The following ANKRD62 variants were observed in gnomAD, a reference collection of about 807,000 sequenced individuals.
ANKRD62 encodes ankyrin repeat domain-containing protein 62.
A neutral mutation model predicts 98.8 loss-of-function variants in ANKRD62; 61 were observed. That is an observed-to-expected ratio of 0.62 (90% CI 0.50 to 0.76). ANKRD62 has a LOEUF of 0.76. ANKRD62 is among the 30% of genes least tolerant of loss of function. The pLI is 0.00. For missense variants in ANKRD62, 933 were observed against 1,082.9 expected, an observed-to-expected ratio of 0.86 and a Z score of 1.94; for synonymous variants, 341 against 367.9, an observed-to-expected ratio of 0.93 and a Z score of 0.84.
Position 12,108,416 on chromosome 18 carries a change from G to A in ANKRD62, c.1064+949G>A, listed in dbSNP as rs532833188. Among the ~76,000 whole-genome samples the A allele has an allele frequency of 3.3e-5, 5 of 152,254 alleles. No individual in the cohort carries two copies. In the South Asian group the frequency reaches 1.0e-3, roughly 32 times the overall value. Reference sequence around the variant, plus strand: ...CCACACTTTAAAAACATTAGCTCTTGTGAGAACTCACTCACTATCACAAGA... The same window carrying A: ...CCACACTTTAAAAACATTAGCTCTTATGAGAACTCACTCACTATCACAAGA... On this transcript the variant is annotated intron_variant, in intron 8 of 13. Transcript: ENST00000587848.
chr18:12,113,409 C>T (rs146325074), intron 8 of ANKRD62, among the ~76,000 whole-genome samples: 1,687 of 152,178 alleles, frequency 0.011, 31 homozygotes, highest in African/African-American at 0.039. Context: ...AGATGAATCA[C>T]GAGGTCAGGA....
chr18:12,104,197 G>A (rs1909366987), intron 7 of ANKRD62, among the ~76,000 whole-genome samples: 2 of 152,068 alleles, frequency 1.3e-5, no homozygotes. Context: ...TCCAGACACT[G>A]TCAAAGTAAA....
chr18:12,139,203 C>T, the ANKRD62 span, among the ~76,000 whole-genome samples: 9 of 152,074 alleles, frequency 5.9e-5, no homozygotes, highest in South Asian at 2.1e-4. Context: ...TTCCATGTTT[C>T]GTGCTTCCTT....
Position 12,127,811 on chromosome 18 carries a change from G to T in ANKRD62, c.2626G>T (p.Ala876Ser), listed in dbSNP as rs1909924868. 4.6e-6 allele frequency: 7 copies of T among 1,511,026 alleles called. No individual in the cohort carries two copies. Among genetic ancestry groups the T allele is most frequent in the Non-Finnish European group, 6.2e-6 (7 of 1,136,560 alleles). The allele number at this position is 1,511,026 out of a possible 1,614,324, so 93.6% of individuals were successfully genotyped here. A position where few individuals can be genotyped will look rare whatever the true frequency, so the allele number is the denominator to read the frequency against. Residue 876 changes from alanine to serine, a missense_variant, in exon 14 of 14, where the codon GCT becomes TCT. Ala to Ser is a moderately conservative substitution (Grantham distance 99, BLOSUM62 1). Around this residue, in one of 3 missense-constraint regions of ANKRD62, gnomAD observed 362 missense variants for 434.5 expected, o/e 0.83. Coordinates refer to ENST00000587848, the MANE Select transcript of ANKRD62 (RefSeq NM_001277333.2). ...DALNKQLLLEAMLEISSERRI... is the reference protein window; with the variant it reads ...DALNKQLLLESMLEISSERRI... ...CCTGAACAAACAATTGCTGTTAGAA[G>T]CTATGCTAGAGATTTCATCAGAACG...
chr18:12,139,570 C>T, the ANKRD62 span, among the ~76,000 whole-genome samples: 5 of 151,972 alleles, frequency 3.3e-5, no homozygotes, highest in East Asian at 1.9e-4. Flanking sequence ...GGTGTGAACC[C>T]GGGAGGCAGA....
At chr18:12,103,010 A>G (rs1241480750) in intron 6 of ANKRD62, 148 bp from the exon 7 acceptor site, 1 of 598,054 alleles carries the variant, frequency 1.7e-6, no homozygotes, top group Non-Finnish European at 2.4e-6. Context: ...ATTCTTAAGA[A>G]GTAGATATAT....
At chr18:12,167,407 T>C in the ANKRD62 span, among the ~76,000 whole-genome samples, 1 of 152,176 alleles carries the variant, frequency 6.6e-6, no homozygotes, top group Non-Finnish European at 1.5e-5. Context: ...GTCCTTGTGA[T>C]AGTTTGCTCA....
At chr18:12,165,004 T>C in the ANKRD62 span, among the ~76,000 whole-genome samples, 1 of 152,066 alleles carries the variant, frequency 6.6e-6, no homozygotes, top group Non-Finnish European at 1.5e-5. Flanking sequence ...ATCCTCTTGC[T>C]GAATTGACCC....
chr18:12,141,195 C>T, the ANKRD62 span, among the ~76,000 whole-genome samples: 32 of 152,330 alleles, frequency 2.1e-4, no homozygotes, highest in Middle Eastern at 3.4e-3. Context: ...TTGTTAAGCC[C>T]GTTGGACAAG....
chr18:12,162,347 G>A, the ANKRD62 span, among the ~76,000 whole-genome samples: 1 of 152,010 alleles, frequency 6.6e-6, no homozygotes, highest in African/African-American at 2.4e-5. Flanking sequence ...CAAATCTTCT[G>A]CCTATTTTTA....
At chr18:12,122,833 C>G (rs569927450) in intron 11 of ANKRD62, among the ~76,000 whole-genome samples, 1 of 152,042 alleles carries the variant, frequency 6.6e-6, no homozygotes, top group African/African-American at 2.4e-5. Context: ...CTTACAGATC[C>G]ATAGTTTTCT....
downstream of ANKRD62, among the ~76,000 whole-genome samples, chr18:12,133,728 T>A (rs977129814): frequency 1.3e-5 from 2 of 152,142 alleles, no homozygotes; most frequent in Admixed American, 1.3e-4. Context: ...ATTGCCTTTT[T>A]GTAGTTGATT....
At chr18:12,175,274 G>A in the ANKRD62 span, among the ~76,000 whole-genome samples, 8 of 152,086 alleles carry the variant, frequency 5.3e-5, no homozygotes, top group South Asian at 2.1e-4. Context: ...TCACTCCCAC[G>A]GCAGTGTTGT....
chr18:12,146,777 T>C, the ANKRD62 span, among the ~76,000 whole-genome samples: 116 of 152,180 alleles, frequency 7.6e-4, no homozygotes, highest in African/African-American at 2.4e-3. Flanking sequence ...CTGCCGATCC[T>C]GTTCCTCCTT....
chr18:12,124,837 C>T (rs1327199965), intron 12 of ANKRD62, among the ~76,000 whole-genome samples: 1 of 152,166 alleles, frequency 6.6e-6, no homozygotes, highest in Non-Finnish European at 1.5e-5. Context: ...CAGCAGCTTG[C>T]TTCTATTTTT....
At chr18:12,110,160 T>C (rs768017784) in intron 8 of ANKRD62, among the ~76,000 whole-genome samples, 22 of 152,340 alleles carry the variant, frequency 1.4e-4, no homozygotes, top group Non-Finnish European at 3.1e-4. Flanking sequence ...TTGTATAATT[T>C]ACAAAAATTA....
chr18:12,153,742 C>T, the ANKRD62 span, among the ~76,000 whole-genome samples: 2 of 152,096 alleles, frequency 1.3e-5, no homozygotes, highest in African/African-American at 4.8e-5. Context: ...TACAGGGCTA[C>T]AGTAATCAAA....
the ANKRD62 span, among the ~76,000 whole-genome samples, chr18:12,135,666 A>C: frequency 2.0e-3 from 307 of 151,882 alleles, no homozygotes; most frequent in Non-Finnish European, 3.7e-3. Context: ...CCAACAGTGT[A>C]AAAGTGTTCC....
chr18:12,135,558 A>G, the ANKRD62 span, among the ~76,000 whole-genome samples: 6 of 151,608 alleles, frequency 4.0e-5, no homozygotes, highest in African/African-American at 1.5e-4. Context: ...GTATATACCC[A>G]GTAATGGGAT....
Sources: allele counts gnomAD v4.1 joint callset (sites outside exome capture counted in the v4.1 genomes callset), GRCh38; gene constraint gnomAD v4.1.1; regional missense constraint gnomAD v4.1.1; transcripts MANE v1.5; gene names NCBI Gene and HGNC (gene_info 2026-07-23, HGNC 2026-07-21).